Variants in NCKAP1 observed in about 807,000 individuals in gnomAD.
NCKAP1 encodes the protein NCK associated protein 1.
Under a neutral mutation model 151.2 loss-of-function variants are expected in NCKAP1, and 21 were observed. The ratio of observed to expected loss-of-function variants is 0.14; its 90% confidence interval spans 0.10 to 0.20. The LOEUF (loss-of-function observed/expected upper bound fraction) is 0.20, where lower values mean the gene tolerates loss of function less well. Among genes scored for constraint, NCKAP1 ranks in the 10% least tolerant of loss-of-function variants. NCKAP1 has a pLI of 1.00. For synonymous variants in NCKAP1, 484 were observed against 451.8 expected (o/e 1.07, Z -0.90); for missense variants, 933 against 1,352.1 (o/e 0.69, Z 4.86).
At chr2:183,000,530 T>A (rs1388054707) in intron 6 of NCKAP1, among the ~76,000 whole-genome samples, 1 of 152,156 alleles carries the variant, frequency 6.6e-6, no homozygotes, top group Non-Finnish European at 1.5e-5. Context: ...GAAAAACCAC[T>A]ACTGATATTA....
chr2:182,977,837 G>A (rs1049161762), intron 14 of NCKAP1, among the ~76,000 whole-genome samples: 3 of 152,052 alleles, frequency 2.0e-5, no homozygotes, highest in South Asian at 2.1e-4. Context: ...ACTCAAAAAT[G>A]GTTAAGATGG....
intron 17 of NCKAP1, among the ~76,000 whole-genome samples, chr2:182,963,213 G>A (rs1250468945): frequency 1.3e-5 from 2 of 151,912 alleles, no homozygotes; most frequent in Non-Finnish European, 2.9e-5. Context: ...TTTACAACCT[G>A]ATATAATTAA....
At position 182,911,547 on chromosome 2, in the gene NCKAP1, CATA is replaced by C; in HGVS notation, c.*14152_*14154del. The C allele has an allele frequency of 6.6e-6, 1 of 152,166 alleles. No individual in the cohort carries two copies. The highest frequency in any genetic ancestry group is 1.9e-4 in the East Asian group (1 of 5,178). The allele number at this position is 152,166 out of a possible 1,614,324, so 9.4% of individuals were successfully genotyped here. A position where few individuals can be genotyped will look rare whatever the true frequency, so the allele number is the denominator to read the frequency against. On this transcript the variant is annotated 3_prime_UTR_variant, in exon 31 of 31. Coordinates refer to ENST00000361354, the MANE Select transcript of NCKAP1 (RefSeq NM_013436.5). ...AATATAAACTCTTAAACCATGAAAA[CATA>C]AGTCAAAATTCTGTTACTTCAAATG...
intron 8 of NCKAP1, among the ~76,000 whole-genome samples, chr2:182,989,842 A>C (rs148384538): frequency 0.035 from 5,291 of 152,174 alleles, 130 homozygotes; most frequent in Middle Eastern, 0.12. Flanking sequence ...TCTACTAAAA[A>C]TACAAAAATT....
At chr2:182,957,427 C>T (rs1475569553) in intron 19 of NCKAP1, 30 bp downstream of exon 19, 5 of 1,584,050 alleles carry the variant, frequency 3.2e-6, no homozygotes, top group Admixed American at 1.9e-5. Context: ...TTACCTGGAG[C>T]AAAAAGGTAT....
intron 1 of NCKAP1, among the ~76,000 whole-genome samples, chr2:183,029,665 T>C (rs1448428578): frequency 6.6e-6 from 1 of 151,460 alleles, no homozygotes; most frequent in Non-Finnish European, 1.5e-5. Context: ...ACAAAATGTT[T>C]AAAAATTAGC....
Position 182,986,119 on chromosome 2 carries a change from T to C in NCKAP1, c.1004+52A>G, listed in dbSNP as rs1698051251. ...TGTACTCACTTCAACAAAATGATGC[T>C]TTAAGAATTTTTCTTGATTAAAGCT... On this transcript the variant is annotated intron_variant, in intron 10 of 30. Transcript: ENST00000361354. 10 of 1,542,188 alleles carry C rather than the reference T, an allele frequency of 6.5e-6. No individual in the cohort carries two copies. The South Asian group carries it at 1.0e-4, about 16-fold the overall frequency.
chr2:182,944,557 A>T (rs1697061550), intron 23 of NCKAP1, among the ~76,000 whole-genome samples: 1 of 152,190 alleles, frequency 6.6e-6, no homozygotes, highest in African/African-American at 2.4e-5. Flanking sequence ...GAAAGGAATA[A>T]ACATGTTTCA....
rs1157937514 is a variant in NCKAP1, at chr2:182,953,121, G to A, written c.2364C>T (p.Tyr788=). ...SHGEPTITSL[Y]TNWYLETLLR... ...CTAAATGCATTCCTTACCAATTTGT[G>A]TATAGACTTGTAATGGTTGGCTCTC... Residue 788 remains tyrosine, a synonymous_variant, in exon 21 of 31, where the codon TAC becomes TAT. Transcript: ENST00000361354. The A allele has an allele frequency of 1.2e-6, 2 of 1,607,796 alleles. No homozygotes were observed. The highest frequency in any genetic ancestry group is 1.1e-5 in the South Asian group (1 of 89,766).
chr2:182,945,220 A>G (rs1697076306), intron 23 of NCKAP1, among the ~76,000 whole-genome samples: 1 of 148,524 alleles, frequency 6.7e-6, no homozygotes, highest in Admixed American at 6.9e-5. Context: ...GGGTGACAAG[A>G]GCGAGACTGT....
Position 182,982,926 on chromosome 2 carries a change from G to C in NCKAP1, c.1103C>G (p.Ala368Gly), listed in dbSNP as rs1489365445. The C allele has an allele frequency of 3.8e-6, 6 of 1,587,196 alleles. No homozygotes were observed. Among genetic ancestry groups the C allele is most frequent in the East Asian group, 2.2e-5 (1 of 44,606 alleles). Residue 368 changes from alanine to glycine, a missense_variant and splice_region_variant, in exon 12 of 31, where the codon GCA becomes GGA. Coordinates refer to ENST00000361354, the MANE Select transcript of NCKAP1 (RefSeq NM_013436.5). ...GGATAATGCCATAAAAACAAAAAGT[G>C]CCTGTTTAAAAAAAAGTAAGTGTTT... ...SDQPGLLGPK[A>G]LFVFMALSFA... is the part of the protein sequence containing the mutation.
chr2:182,978,796 T>C (rs367877514), intron 14 of NCKAP1, 38 bp downstream of exon 14: 1 of 1,224,996 alleles, frequency 8.2e-7, no homozygotes, highest in African/African-American at 1.5e-5. Flanking sequence ...GAAAATCTAA[T>C]TAGAAGAAAA....
intron 1 of NCKAP1, among the ~76,000 whole-genome samples, chr2:183,036,650 G>A (rs1426052563): frequency 6.6e-6 from 1 of 152,076 alleles, no homozygotes; most frequent in African/African-American, 2.4e-5. Flanking sequence ...TCTCCAGATA[G>A]CACTGGGTTT....
At chr2:182,956,054 ATTC>A (rs1171606072) in intron 20 of NCKAP1, among the ~76,000 whole-genome samples, 2 of 152,068 alleles carry the variant, frequency 1.3e-5, no homozygotes, top group Non-Finnish European at 2.9e-5. Flanking sequence ...CCAGTTCATT[ATTC>A]TTGAGACAGA....
chr2:182,933,195 G>A (rs1696800677), intron 26 of NCKAP1, among the ~76,000 whole-genome samples: 1 of 152,058 alleles, frequency 6.6e-6, no homozygotes, highest in South Asian at 2.1e-4. Context: ...ATTTCAAAAG[G>A]CAGAAAGAGA....
At position 182,982,992 on chromosome 2, in the gene NCKAP1, T is replaced by C. The variant is rs1221865455; in HGVS notation, c.1102-65A>G. 8 of 1,218,256 alleles carry C rather than the reference T, an allele frequency of 6.6e-6. No individual in the cohort carries two copies. The African/African-American group carries it at 1.2e-4, about 19-fold the overall frequency. 75.5% of individuals were successfully genotyped at this position (1,218,256 alleles called of 1,614,324 possible). ...TTAAAAACAAAACTGGTAATCTCTTTCTATGTGAAAAGTCATTGGCAAGAA... is the reference window on the plus strand; with the variant it reads ...TTAAAAACAAAACTGGTAATCTCTTCCTATGTGAAAAGTCATTGGCAAGAA... On this transcript the variant is annotated intron_variant, in intron 11 of 30. Coordinates refer to ENST00000361354, the MANE Select transcript of NCKAP1 (RefSeq NM_013436.5).
intron 12 of NCKAP1, 37 bp downstream of exon 12, chr2:182,982,784 T>C (rs576707941): frequency 7.3e-7 from 1 of 1,369,360 alleles, no homozygotes; most frequent in South Asian, 1.3e-5. Flanking sequence ...GAAGCATCTA[T>C]ATACAGAAAA....
intron 15 of NCKAP1, among the ~76,000 whole-genome samples, chr2:182,970,015 A>G (rs1697654874): frequency 6.6e-6 from 1 of 152,134 alleles, no homozygotes; most frequent in East Asian, 1.9e-4. Flanking sequence ...AGAACTGGAA[A>G]ACCGACATGA....
At chr2:183,022,181 T>C (rs768576095) in intron 2 of NCKAP1, among the ~76,000 whole-genome samples, 2 of 152,170 alleles carry the variant, frequency 1.3e-5, no homozygotes, top group Non-Finnish European at 2.9e-5. Flanking sequence ...ACGATGCATA[T>C]TCTCACATAT....
Sources: gnomAD v4.1 joint callset for allele counts (sites outside exome capture counted in the v4.1 genomes callset) on GRCh38, gnomAD v4.1.1 for gene constraint, MANE v1.5 for transcripts, NCBI Gene and HGNC (gene_info 2026-07-23, HGNC 2026-07-21) for gene names.